Variants in FMO4 observed in about 807,000 individuals in gnomAD.
The protein encoded by FMO4 is flavin containing dimethylaniline monoxygenase 4, also known as dimethylaniline monooxygenase [N-oxide-forming] 4.
A neutral mutation model predicts 43.3 loss-of-function variants in FMO4; 38 were observed. The ratio of observed to expected loss-of-function variants is 0.88; its 90% confidence interval spans 0.68 to 1.15. The LOEUF is 1.15. Among genes scored for constraint, FMO4 ranks in the 50% most tolerant of loss-of-function variants. The probability of loss-of-function intolerance (pLI) is 0.00; values close to 1 mark genes in which losing one functional copy is unlikely to be tolerated. For missense variants in FMO4, 631 were observed against 663.3 expected, an observed-to-expected ratio of 0.95 and a Z score of 0.54; for synonymous variants, 224 against 232.2, an observed-to-expected ratio of 0.96 and a Z score of 0.32.
chr1:171,318,268 G>A (rs992762138), intron 2 of FMO4, among the ~76,000 whole-genome samples: 2 of 152,062 alleles, frequency 1.3e-5, no homozygotes, highest in African/African-American at 2.4e-5. Context: ...AGTGAGCTGA[G>A]ATTGTGCCAC....
intron 8 of FMO4, among the ~76,000 whole-genome samples, chr1:171,336,452 C>T (rs1663119109): frequency 6.6e-6 from 1 of 152,072 alleles, no homozygotes; most frequent in South Asian, 2.1e-4. Context: ...AGTCCAAGTG[C>T]TAAGACTGTC....
intron 2 of FMO4, among the ~76,000 whole-genome samples, chr1:171,319,578 G>T (rs1441691315): frequency 6.6e-6 from 1 of 152,106 alleles, no homozygotes; most frequent in Non-Finnish European, 1.5e-5. Context: ...TTACAGGTGA[G>T]AAAACTGAGT....
intron 7 of FMO4, among the ~76,000 whole-genome samples, chr1:171,333,487 GT>G (rs1662987506): frequency 6.6e-6 from 1 of 151,958 alleles, no homozygotes; most frequent in Non-Finnish European, 1.5e-5. Context: ...GCCTCCCAAA[GT>G]GCTGGGATTA....
chr1:171,323,253 T>G, intron 4 of FMO4, 61 bp downstream of exon 4: 1 of 1,110,090 alleles, frequency 9.0e-7, no homozygotes, highest in Non-Finnish European at 1.3e-6. Flanking sequence ...AGCAATCTAA[T>G]GAAAATTGGA....
In FMO4 at chr1:171,324,182, T is replaced by C. The variant is rs1195634051; in HGVS notation, c.366T>C (p.Thr122=). ...SITKRPDFSE[T]GQWDVVTETE... ...CGAAGCGTCCAGACTTCTCCGAAAC[T>C]GGTCAGTGGGATGTTGTCACAGAGA... Residue 122 remains threonine, a synonymous_variant, in exon 5 of 10, where the codon ACT becomes ACC. Coordinates refer to ENST00000367749, the MANE Select transcript of FMO4 (RefSeq NM_002022.3). The C allele has an allele frequency of 6.2e-7, 1 of 1,613,674 alleles. No individual in the cohort carries two copies. Among genetic ancestry groups the C allele is most frequent in the Non-Finnish European group, 8.5e-7 (1 of 1,179,784 alleles).
intron 9 of FMO4, 51 bp from the exon 10 acceptor site, chr1:171,341,362 A>G (rs1158470005): frequency 7.1e-7 from 1 of 1,414,582 alleles, no homozygotes; most frequent in Admixed American, 1.9e-5. Flanking sequence ...AACTTGAGAA[A>G]TGCAGGGCAG....
chr1:171,337,217 T>A, intron 8 of FMO4, 139 bp from the exon 9 acceptor site: 1 of 699,620 alleles, frequency 1.4e-6, no homozygotes, highest in South Asian at 1.6e-5. Context: ...TTATTTTCTG[T>A]GCTGCATTTC....
At chr1:171,341,061 A>G (rs994168436) in intron 9 of FMO4, among the ~76,000 whole-genome samples, 5 of 152,102 alleles carry the variant, frequency 3.3e-5, no homozygotes, top group African/African-American at 1.2e-4. Context: ...CATTTCCCAC[A>G]TCTTTCCTCA....
intron 5 of FMO4, among the ~76,000 whole-genome samples, chr1:171,331,321 G>T (rs944566609): frequency 6.6e-6 from 1 of 152,088 alleles, no homozygotes; most frequent in African/African-American, 2.4e-5. Flanking sequence ...TTTTGCCCAG[G>T]ATATTCAGCA....
intron 1 of FMO4, 106 bp downstream of exon 1, chr1:171,314,519 A>T (rs1662119906): frequency 6.6e-6 from 1 of 152,142 alleles, no homozygotes. Context: ...GAATGTGATT[A>T]TCTTCTTTTG....
intron 5 of FMO4, 84 bp downstream of exon 5, chr1:171,324,384 C>T: frequency 9.3e-7 from 1 of 1,075,008 alleles, no homozygotes; most frequent in East Asian, 2.4e-5. Context: ...GGAAATACCG[C>T]CCCATGATTA....
Position 171,321,342 on chromosome 1 carries a change from G to C in FMO4, c.132+1385G>C, listed in dbSNP as rs188670667. ...TATATACAGTTGTCTCTTGGTGTCC[G>C]TGGGGGTTTAGGTATCCCTTTGGTT... On this transcript the variant is annotated intron_variant, in intron 3 of 9. Transcript: ENST00000367749. Among the ~76,000 whole-genome samples, 189 of 152,184 alleles carry C rather than the reference G, an allele frequency of 1.2e-3. 1 individual carries two copies. The highest frequency in any genetic ancestry group is 2.3e-3 in the Non-Finnish European group (159 of 67,992).
intron 5 of FMO4, among the ~76,000 whole-genome samples, chr1:171,324,824 A>C (rs1558037197): frequency 6.6e-6 from 1 of 152,210 alleles, no homozygotes; most frequent in Non-Finnish European, 1.5e-5. Flanking sequence ...TCAACATAAT[A>C]ATCATACAAT....
intron 1 of FMO4, among the ~76,000 whole-genome samples, chr1:171,314,704 T>C (rs16864387): frequency 0.2 from 30,893 of 152,018 alleles, 4,321 homozygotes; most frequent in African/African-American, 0.4. Flanking sequence ...TTTCATCTTA[T>C]GAATGAGATG....
Position 171,337,381 on chromosome 1 carries a change from A to G in FMO4, c.1206A>G (p.Gln402=), listed in dbSNP as rs45445497. The G allele has an allele frequency of 5.1e-4, 817 of 1,613,134 alleles. 13 individuals are homozygous for G. The East Asian group carries it at 0.016, about 32-fold the overall frequency. The change falls in exon 9 of 10, where the codon CAA becomes CAG. Residue 402 remains glutamine, a synonymous_variant. Coordinates refer to ENST00000367749, the MANE Select transcript of FMO4 (RefSeq NM_002022.3). ...GACTCTGTAAGATACCTCCATCCCAAAAATTGATGATGGAGGCTACTGAAA... is the reference window on the plus strand; with the variant it reads ...GACTCTGTAAGATACCTCCATCCCAGAAATTGATGATGGAGGCTACTGAAA... The part of the protein sequence containing the change: ...FKGLCKIPPS[Q]KLMMEATEKE...
intron 5 of FMO4, among the ~76,000 whole-genome samples, chr1:171,328,812 G>A (rs1191223902): frequency 6.6e-6 from 1 of 152,114 alleles, no homozygotes; most frequent in African/African-American, 2.4e-5. Flanking sequence ...TATCCCTGCA[G>A]ACTTGATCTG....
At chr1:171,331,519 C>T in intron 5 of FMO4, 121 bp from the exon 6 acceptor site, 3 of 841,156 alleles carry the variant, frequency 3.6e-6, no homozygotes, top group Admixed American at 2.3e-5. Context: ...CTGCCACAAG[C>T]AGCATAAGCA....
chr1:171,323,113 T>G lies in FMO4; in HGVS notation c.242T>G (p.Phe81Cys). 6.2e-7 allele frequency: 1 copy of G among 1,613,672 alleles called. No individual in the cohort carries two copies. The highest frequency in any genetic ancestry group is 8.5e-7 in the Non-Finnish European group (1 of 1,179,690). The change falls in exon 4 of 10, where the codon TTC (phenylalanine) becomes TGC (cysteine). Residue 81 changes from phenylalanine to cysteine, a missense_variant. Transcript: ENST00000367749. ...CCTTTCCACGAAGATTATCCTAATTTCATGAACCATGAAAAATTTTGGGAC... is the reference window on the plus strand; with the variant it reads ...CCTTTCCACGAAGATTATCCTAATTGCATGAACCATGAAAAATTTTGGGAC... Reference protein sequence around the residue: ...DFPFHEDYPNFMNHEKFWDYL... With the variant: ...DFPFHEDYPNCMNHEKFWDYL...
At chr1:171,315,904 G>A (rs1343381417) in intron 1 of FMO4, among the ~76,000 whole-genome samples, 2 of 152,146 alleles carry the variant, frequency 1.3e-5, no homozygotes, top group African/African-American at 4.8e-5. Flanking sequence ...CCTAGAGCAT[G>A]CTGCTACCAT....
Sources: allele counts gnomAD v4.1 joint callset (sites outside exome capture counted in the v4.1 genomes callset), GRCh38; gene constraint gnomAD v4.1.1; transcripts MANE v1.5; gene names NCBI Gene and HGNC (gene_info 2026-07-23, HGNC 2026-07-21).